Variants in PCDHGB2 observed in about 807,000 individuals in gnomAD.
The protein encoded by PCDHGB2 is protocadherin gamma-B2.
A neutral mutation model predicts 59.3 loss-of-function variants in PCDHGB2; 55 were observed. The ratio of observed to expected loss-of-function variants is 0.93; its 90% CI spans 0.75 to 1.16. The LOEUF (loss-of-function observed/expected upper bound fraction) is 1.16. Ranked by LOEUF, PCDHGB2 falls within the 50% of genes most tolerant of loss-of-function variation. The pLI, the probability that PCDHGB2 is intolerant of heterozygous loss-of-function variation, is 0.00. For synonymous variants in PCDHGB2, 516 were observed against 512.0 expected, an observed-to-expected ratio of 1.01 and a Z score of -0.11; for missense variants, 1,228 against 1,198.5, an observed-to-expected ratio of 1.02 and a Z score of -0.36.
chr5:141,400,133 C>T, intron 1 of PCDHGB2: 1 of 1,614,066 alleles, frequency 6.2e-7, no homozygotes, highest in Non-Finnish European at 8.5e-7. Context: ...GAGGTGCTGC[C>T]GGATATCACT....
At chr5:141,380,678 T>C (rs1387633000) in intron 1 of PCDHGB2, among the ~76,000 whole-genome samples, 3 of 152,250 alleles carry the variant, frequency 2.0e-5, no homozygotes, top group Non-Finnish European at 4.4e-5. Flanking sequence ...AGGGTATGTA[T>C]GCTTTGTGTT....
At chr5:141,364,715 A>G (rs566972515) in intron 1 of PCDHGB2, 1 of 1,614,010 alleles carries the variant, frequency 6.2e-7, no homozygotes, top group Admixed American at 1.7e-5. Context: ...TATTAATGAT[A>G]ACTTCCCGCG....
intron 1 of PCDHGB2, among the ~76,000 whole-genome samples, chr5:141,380,667 T>G (rs552117625): frequency 1.1e-4 from 16 of 152,362 alleles, no homozygotes; most frequent in African/African-American, 3.6e-4. Flanking sequence ...ATTTACTCCA[T>G]AGGGTATGTA....
intron 1 of PCDHGB2, among the ~76,000 whole-genome samples, chr5:141,401,385 T>A (rs965055223): frequency 6.6e-6 from 1 of 152,182 alleles, no homozygotes; most frequent in Non-Finnish European, 1.5e-5. Flanking sequence ...AGAAAAATAC[T>A]ACATGTTATG....
intron 1 of PCDHGB2, chr5:141,410,107 G>A: frequency 3.1e-6 from 5 of 1,612,702 alleles, no homozygotes; most frequent in Non-Finnish European, 4.2e-6. Flanking sequence ...TAGGCGACAG[G>A]GACGCAGCCC....
chr5:141,441,737 C>CG, intron 1 of PCDHGB2: 1 of 365,242 alleles, frequency 2.7e-6, no homozygotes, highest in South Asian at 2.2e-5. Flanking sequence ...AGGACTAGCT[C>CG]GCGCTCGGCG....
At chr5:141,446,102 A>C (rs751362645) in intron 1 of PCDHGB2, among the ~76,000 whole-genome samples, 1 of 152,214 alleles carries the variant, frequency 6.6e-6, no homozygotes, top group Non-Finnish European at 1.5e-5. Context: ...TGAATTATAG[A>C]TATATTTAGG....
In PCDHGB2 at chr5:141,399,103, C is replaced by G. The variant is rs376000100; in HGVS notation, c.2421+36547C>G. The G allele has an allele frequency of 1.6e-5, 26 of 1,613,722 alleles. No homozygotes were observed. The South Asian group carries it at 2.9e-4, about 18-fold the overall frequency. On this transcript the variant is annotated intron_variant, in intron 1 of 3. Transcript: ENST00000522605. ...GAGGGATGGTGGTGGACTGGTTGCA[C>G]AATGTACAGTTGAAATTAATATTCA... is the stretch of plus-strand genomic sequence containing the variant.
intron 1 of PCDHGB2, chr5:141,427,630 T>C (rs1043983899): frequency 2.8e-6 from 2 of 702,530 alleles, no homozygotes; most frequent in African/African-American, 1.7e-5. Context: ...AATGCTCCGG[T>C]TTTCCACCAA....
chr5:141,505,402 T>G lies in PCDHGB2; in HGVS notation c.2490T>G (p.Asn830Lys), dbSNP rs1216666169. 1.9e-6 allele frequency: 3 copies of G among 1,614,014 alleles called. No homozygotes were observed. Among genetic ancestry groups the G allele is most frequent in the Non-Finnish European group, 2.5e-6 (3 of 1,180,034 alleles). Residue 830 changes from asparagine (N) to lysine (K), a missense_variant, in exon 3 of 4, where the codon AAT (asparagine) becomes AAG (lysine). This residue lies in a region of PCDHGB2 where 433 missense variants were observed against 441.8 expected (regional missense o/e 0.98). Coordinates refer to ENST00000522605, the MANE Select transcript of PCDHGB2 (RefSeq NM_018923.3). The part of the protein sequence containing the change: ...AQRPGTSGSQ[N>K]GDDTGTWPNN... ...CCTACTCTCTCCCCAGCTCCCAAAA[T>G]GGCGATGACACCGGCACCTGGCCCA...
chr5:141,418,351 G>A, intron 1 of PCDHGB2: 1 of 1,614,026 alleles, frequency 6.2e-7, no homozygotes, highest in Non-Finnish European at 8.5e-7. Flanking sequence ...ATATTAGTAT[G>A]AATTCGCTGA....
At chr5:141,474,332 G>A (rs1427828070) in intron 1 of PCDHGB2, among the ~76,000 whole-genome samples, 1 of 152,168 alleles carries the variant, frequency 6.6e-6, no homozygotes, top group Non-Finnish European at 1.5e-5. Flanking sequence ...TCACCCTGAT[G>A]TTTTGTTAAA....
intron 1 of PCDHGB2, chr5:141,416,921 G>C (rs985660835): frequency 6.6e-6 from 1 of 151,994 alleles, no homozygotes; most frequent in Non-Finnish European, 1.5e-5. Flanking sequence ...TAGGGTCATA[G>C]TTATTAACTA....
chr5:141,371,567 C>T (rs1767853623), intron 1 of PCDHGB2: 4 of 1,613,906 alleles, frequency 2.5e-6, no homozygotes, highest in Non-Finnish European at 3.4e-6. Flanking sequence ...GAAACTTCCC[C>T]TTTAAAATCG....
chr5:141,395,114 C>T (rs2093175908), intron 1 of PCDHGB2: 2 of 1,614,070 alleles, frequency 1.2e-6, no homozygotes, highest in African/African-American at 1.3e-5. Context: ...GGAAGAGTCA[C>T]CTGATCTTTC....
At position 141,489,632 on chromosome 5, in the gene PCDHGB2, C is replaced by T; in HGVS notation, c.2422-5175C>T. 6.2e-7 allele frequency: 1 copy of T among 1,614,138 alleles called. No homozygotes were observed. Among genetic ancestry groups the T allele is most frequent in the Non-Finnish European group, 8.5e-7 (1 of 1,180,010 alleles). Reference sequence around the variant, plus strand: ...ATCCTGGATCTCAATGACAACTCTCCTAGCTTTGCCACCCCTGAGCGAGAG... The same window carrying T: ...ATCCTGGATCTCAATGACAACTCTCTTAGCTTTGCCACCCCTGAGCGAGAG... On this transcript the variant is annotated intron_variant, in intron 1 of 3. Transcript: ENST00000522605. The surrounding 1 kb of genome is among the most constrained non-coding windows in gnomAD (Gnocchi z 4.5).
At position 141,393,513 on chromosome 5, in the gene PCDHGB2, G is replaced by A. The variant is rs376672994; in HGVS notation, c.2421+30957G>A. The A allele has an allele frequency of 6.6e-5, 107 of 1,614,000 alleles. 1 individual carries two copies. In the Middle Eastern group the frequency reaches 1.3e-3, roughly 20 times the overall value. ...AGTGCGCATCCACGTGACAGTGTTG[G>A]ATACAAATGACAATGCCCCGGTTTT... On this transcript the variant is annotated intron_variant, in intron 1 of 3. Transcript: ENST00000522605.
intron 1 of PCDHGB2, among the ~76,000 whole-genome samples, chr5:141,459,532 TA>T (rs1031834752): frequency 6.6e-5 from 10 of 152,354 alleles, no homozygotes; most frequent in East Asian, 3.9e-4. Context: ...TTTGTAGGCA[TA>T]TTTTTTTTAT....
rs778684539 is a variant in PCDHGB2 at position 141,477,205 on chromosome 5, G to A, written c.2422-17602G>A. ...CCTCCGTGTACAGCCCAGTACCCGA[G>A]GATGCCCCTCTGGGGACTGTCATCG... On this transcript the variant is annotated intron_variant, in intron 1 of 3. Transcript: ENST00000522605. The surrounding 1 kb of genome is among the most constrained non-coding windows in gnomAD (Gnocchi z 4.9). 1 of 1,614,184 alleles carries A rather than the reference G, an allele frequency of 6.2e-7. No homozygotes were observed. The highest frequency in any genetic ancestry group is 8.5e-7 in the Non-Finnish European group (1 of 1,180,042).
Sources: allele counts gnomAD v4.1 joint callset (sites outside exome capture counted in the v4.1 genomes callset), GRCh38; gene constraint gnomAD v4.1.1; regional missense constraint gnomAD v4.1.1; non-coding constraint Gnocchi (gnomAD v3.1); transcripts MANE v1.5; gene names NCBI Gene and HGNC (gene_info 2026-07-23, HGNC 2026-07-21).